Variants in SLC25A21 observed in about 807,000 individuals in gnomAD.
SLC25A21 encodes mitochondrial 2-oxodicarboxylate carrier.
SLC25A21 carries 47 observed loss-of-function variants against 43.8 expected under a neutral mutation model. That is an observed-to-expected ratio of 1.07 (90% confidence interval 0.85 to 1.37). The LOEUF (loss-of-function observed/expected upper bound fraction) is 1.37, where lower values mean the gene tolerates loss of function less well. SLC25A21 is among the 40% of genes most tolerant of loss of function. The probability of loss-of-function intolerance (pLI) is 0.00; values close to 1 mark genes in which losing one functional copy is unlikely to be tolerated. For synonymous variants in SLC25A21, 131 were observed against 121.3 expected, an observed-to-expected ratio of 1.08 and a Z score of -0.52; for missense variants, 352 against 350.2, an observed-to-expected ratio of 1.00 and a Z score of -0.04.
At chr14:36,994,216 T>C (rs1225302873) in intron 1 of SLC25A21, among the ~76,000 whole-genome samples, 1 of 152,136 alleles carries the variant, frequency 6.6e-6, no homozygotes, top group Non-Finnish European at 1.5e-5. Context: ...CTTCACAATA[T>C]GGAGAGAAGT....
intron 7 of SLC25A21, among the ~76,000 whole-genome samples, chr14:36,700,714 A>G (rs1425815314): frequency 6.6e-6 from 1 of 152,186 alleles, no homozygotes; most frequent in Non-Finnish European, 1.5e-5. Context: ...CCTCTTGTGT[A>G]TTTACTGAGC....
At chr14:37,064,010 G>A (rs1321169225) in intron 1 of SLC25A21, among the ~76,000 whole-genome samples, 1 of 152,164 alleles carries the variant, frequency 6.6e-6, no homozygotes, top group Non-Finnish European at 1.5e-5. Context: ...TTACTTTCAG[G>A]TGTGTCTGTA....
At chr14:36,962,398 G>A (rs1295356554) in intron 1 of SLC25A21, among the ~76,000 whole-genome samples, 1 of 151,940 alleles carries the variant, frequency 6.6e-6, no homozygotes, top group Non-Finnish European at 1.5e-5. Context: ...TCCTCATGTT[G>A]TACATTTGAT....
At chr14:37,106,127 T>C (rs2138870498) in intron 1 of SLC25A21, among the ~76,000 whole-genome samples, 1 of 152,182 alleles carries the variant, frequency 6.6e-6, no homozygotes, top group Non-Finnish European at 1.5e-5. Flanking sequence ...AAATTGATTG[T>C]AAAATGTGTG....
intron 1 of SLC25A21, among the ~76,000 whole-genome samples, chr14:36,976,620 C>G (rs1959878474): frequency 6.6e-6 from 1 of 152,176 alleles, no homozygotes; most frequent in Admixed American, 6.5e-5. Flanking sequence ...CCTCTCACCT[C>G]TCTTAGTACC....
chr14:37,071,137 A>G (rs1321560050), intron 1 of SLC25A21, among the ~76,000 whole-genome samples: 2 of 152,232 alleles, frequency 1.3e-5, no homozygotes, highest in Non-Finnish European at 2.9e-5. Flanking sequence ...TATCCAATAG[A>G]TCGTCAAGGG....
intron 1 of SLC25A21, among the ~76,000 whole-genome samples, chr14:37,134,477 G>C (rs1365235009): frequency 2.0e-5 from 3 of 151,698 alleles, no homozygotes; most frequent in Middle Eastern, 3.2e-3. Flanking sequence ...TCAAGTTCCA[G>C]ACTTGAAAGC....
At chr14:37,034,597 A>G (rs1961287795) in intron 1 of SLC25A21, among the ~76,000 whole-genome samples, 1 of 152,182 alleles carries the variant, frequency 6.6e-6, no homozygotes, top group Non-Finnish European at 1.5e-5. Flanking sequence ...TGGGCCTGGT[A>G]CATGTGGAGG....
At chr14:37,033,051 C>T (rs1298387568) in intron 1 of SLC25A21, among the ~76,000 whole-genome samples, 2 of 152,182 alleles carry the variant, frequency 1.3e-5, no homozygotes, top group Admixed American at 1.3e-4. Context: ...AGTAGATTCA[C>T]ATTGTTGTGC....
Position 36,874,944 on chromosome 14 carries a change from G to A in SLC25A21, c.119+12C>T, listed in dbSNP as rs1211669024. Reference sequence around the variant, plus strand: ...GCCAAAGTCAATAAAACTTGTTCATGCAGAACCTTACCTGGTTTTCACCAC... The same window carrying A: ...GCCAAAGTCAATAAAACTTGTTCATACAGAACCTTACCTGGTTTTCACCAC... On this transcript the variant is annotated intron_variant, in intron 2 of 9. Coordinates refer to ENST00000331299, the MANE Select transcript of SLC25A21 (RefSeq NM_030631.4). The A allele has an allele frequency of 1.2e-6, 2 of 1,607,070 alleles. No individual in the cohort carries two copies. The highest frequency in any genetic ancestry group is 1.7e-5 in the Admixed American group (1 of 59,286).
chr14:36,731,900 G>T lies in SLC25A21; in HGVS notation c.271-2334C>A, dbSNP rs115439949. On this transcript the variant is annotated intron_variant, in intron 4 of 9. Transcript: ENST00000331299. The stretch of plus-strand genomic sequence containing the variant: ...CAACCCAGGGAGTCCCCTGGGCTCT[G>T]CCTCAGTTTCCCCTCCCTGTCCCGG... 9.4e-3 allele frequency among the ~76,000 whole-genome samples: 1,425 copies of T among 152,208 alleles called. 16 individuals carry two copies. Among genetic ancestry groups the T allele is most frequent in the African/African-American group, 0.031 (1,307 of 41,526 alleles).
At chr14:36,808,401 T>A (rs1888118198) in intron 3 of SLC25A21, among the ~76,000 whole-genome samples, 1 of 152,174 alleles carries the variant, frequency 6.6e-6, no homozygotes, top group South Asian at 2.1e-4. Flanking sequence ...ATCACCAAGA[T>A]TTGCTTGACT....
chr14:36,707,191 C>A (rs1055464382), intron 7 of SLC25A21, among the ~76,000 whole-genome samples: 1 of 152,224 alleles, frequency 6.6e-6, no homozygotes, highest in Non-Finnish European at 1.5e-5. Context: ...ATTTCTAACT[C>A]ATTCTTCAGC....
chr14:36,850,385 A>G (rs1889687362), intron 2 of SLC25A21, among the ~76,000 whole-genome samples: 2 of 152,180 alleles, frequency 1.3e-5, no homozygotes, highest in Non-Finnish European at 2.9e-5. Context: ...GTCAAGTCAC[A>G]CTGAATCAGG....
chr14:37,006,257 AT>A (rs1164843302), intron 1 of SLC25A21, among the ~76,000 whole-genome samples: 1 of 152,096 alleles, frequency 6.6e-6, no homozygotes, highest in African/African-American at 2.4e-5. Context: ...GGCTTTTTCC[AT>A]TGTTGTCTCA....
intron 1 of SLC25A21, among the ~76,000 whole-genome samples, chr14:37,025,659 A>G (rs971016079): frequency 1.3e-5 from 2 of 152,150 alleles, no homozygotes; most frequent in African/African-American, 2.4e-5. Context: ...CTTCAAATTA[A>G]AAGAGTTCTT....
intron 2 of SLC25A21, among the ~76,000 whole-genome samples, chr14:36,851,112 G>T (rs575167363): frequency 6.6e-6 from 1 of 152,232 alleles, no homozygotes; most frequent in Admixed American, 6.5e-5. Context: ...TTATGAATAG[G>T]CTTCAGATGC....
At chr14:37,012,414 C>T (rs1566814045) in intron 1 of SLC25A21, among the ~76,000 whole-genome samples, 1 of 152,142 alleles carries the variant, frequency 6.6e-6, no homozygotes, top group Non-Finnish European at 1.5e-5. Context: ...AATTCTGTCT[C>T]AAGCTCCCTT....
chr14:36,717,485 T>A, intron 6 of SLC25A21, among the ~76,000 whole-genome samples: 1 of 152,210 alleles, frequency 6.6e-6, no homozygotes, highest in Non-Finnish European at 1.5e-5. Flanking sequence ...CACAAAGCTA[T>A]GTCAATATCA....
Sources: allele counts gnomAD v4.1 joint callset (sites outside exome capture counted in the v4.1 genomes callset), GRCh38; gene constraint gnomAD v4.1.1; transcripts MANE v1.5; gene names NCBI Gene and HGNC (gene_info 2026-07-23, HGNC 2026-07-21).